The following WIPF1 variants were observed in gnomAD, a reference collection of about 807,000 sequenced individuals.
WIPF1 encodes the protein WAS/WASL interacting protein family member 1, also known as WAS/WASL-interacting protein family member 1.
In WIPF1, 13 loss-of-function variants were observed where a neutral mutation model predicts 35.4. That is an observed-to-expected ratio of 0.37 (90% confidence interval 0.24 to 0.58). WIPF1 has a LOEUF of 0.58. Ranked by LOEUF, WIPF1 falls within the 20% of genes least tolerant of loss-of-function variation. The probability of loss-of-function intolerance (pLI) is 0.74; values close to 1 mark genes in which losing one functional copy is unlikely to be tolerated. For missense variants in WIPF1, 591 were observed against 667.0 expected, an observed-to-expected ratio of 0.89 and a Z score of 1.25; for synonymous variants, 267 against 266.3, an observed-to-expected ratio of 1.00 and a Z score of -0.02.
rs1233653142 is a variant in WIPF1 at position 174,622,705 on chromosome 2, C to G, written c.-38-37094G>C. On this transcript the variant is annotated intron_variant, in intron 1 of 8. Transcript: ENST00000272746. This position sits in a 1 kb window ranked among gnomAD's most constrained non-coding sequence, Gnocchi z 5.1. ...TGGCTGATTAGCACTTGTGTCTGCC[C>G]CGCGGTCAGAAATTTTATATGGCAA... Among the ~76,000 whole-genome samples, 2 of 152,158 alleles carry G rather than the reference C, an allele frequency of 1.3e-5. No individual in the cohort carries two copies. The highest frequency in any genetic ancestry group is 2.9e-5 in the Non-Finnish European group (2 of 68,040).
chr2:174,639,968 C>A (rs989969412), intron 1 of WIPF1, among the ~76,000 whole-genome samples: 1 of 151,946 alleles, frequency 6.6e-6, no homozygotes, highest in South Asian at 2.1e-4. Context: ...TAGAAGCATC[C>A]AAATTGGAAA....
chr2:174,645,718 G>T (rs1163243033), intron 1 of WIPF1, among the ~76,000 whole-genome samples: 1 of 152,172 alleles, frequency 6.6e-6, no homozygotes, highest in African/African-American at 2.4e-5. Context: ...CAAGCCCTTT[G>T]ACCAGCTGTC....
At chr2:174,599,792 A>ACTCTCTCT (rs3049904), upstream of WIPF1, among the ~76,000 whole-genome samples, 71 of 148,662 alleles carry the variant, frequency 4.8e-4, 2 homozygotes, top group South Asian at 9.1e-3. Flanking sequence ...ACACACACAC[A>ACTCTCTCT]CTCTCTCTCT....
chr2:174,583,061 G>A (rs1364111234), intron 2 of WIPF1, among the ~76,000 whole-genome samples: 1 of 152,150 alleles, frequency 6.6e-6, no homozygotes, highest in Non-Finnish European at 1.5e-5. Context: ...GCAGTCAAGA[G>A]CCTTCCCTAC....
intron 1 of WIPF1, among the ~76,000 whole-genome samples, chr2:174,658,017 G>A (rs1025265483): frequency 6.6e-6 from 1 of 151,808 alleles, no homozygotes; most frequent in African/African-American, 2.4e-5. Context: ...GATGTTCCCT[G>A]GGACCTAGAA....
In WIPF1 at chr2:174,585,531, A is replaced by ACGT. The variant is rs1238140977; in HGVS notation, c.40_42dup (p.Thr14dup). 1 of 1,309,076 alleles carries ACGT rather than the reference A, an allele frequency of 7.6e-7. No homozygotes were observed. The highest frequency in any genetic ancestry group is 1.7e-5 in the African/African-American group (1 of 60,424). 81.1% of individuals were successfully genotyped at this position (1,309,076 alleles called of 1,614,324 possible). On this transcript the variant is annotated inframe_insertion, in exon 2 of 8. Transcript: ENST00000679041. The stretch of plus-strand genomic sequence containing the variant: ...GGGGAGGAGACACTCACCAGTGCAA[A>ACGT]CGTCGGGGGCGGCGGGGGTGCTGGA...
intron 3 of WIPF1, among the ~76,000 whole-genome samples, chr2:174,576,351 T>TAA (rs1685064615): frequency 1.3e-5 from 2 of 152,204 alleles, no homozygotes; most frequent in Non-Finnish European, 2.9e-5. Flanking sequence ...TAAGCAGTAT[T>TAA]AAGCCTGCTT....
chr2:174,650,389 TGTACACACA>T (rs1429505983), intron 1 of WIPF1, among the ~76,000 whole-genome samples: 1 of 152,244 alleles, frequency 6.6e-6, no homozygotes, highest in East Asian at 1.9e-4. Context: ...GTTCACTCTG[TGTACACACA>T]ACATGTAAGA....
intron 1 of WIPF1, among the ~76,000 whole-genome samples, chr2:174,666,378 A>G (rs1433388948): frequency 6.6e-6 from 1 of 152,202 alleles, no homozygotes; most frequent in African/African-American, 2.4e-5. Context: ...TGGCCTCCAA[A>G]TTAGGACTGA....
At chr2:174,566,556 T>G (rs1188797421) in intron 7 of WIPF1, 1 of 152,322 alleles carries the variant, frequency 6.6e-6, no homozygotes, top group Admixed American at 6.5e-5. Flanking sequence ...AACAGAATTA[T>G]ATGGATAAAA....
chr2:174,664,083 T>G (rs964585965), intron 1 of WIPF1, among the ~76,000 whole-genome samples: 2 of 152,132 alleles, frequency 1.3e-5, no homozygotes, highest in Non-Finnish European at 2.9e-5. Context: ...AATCCCTGCC[T>G]CCCTCACCAG....
intron 1 of WIPF1, among the ~76,000 whole-genome samples, chr2:174,647,356 C>T (rs906697717): frequency 1.3e-5 from 2 of 151,328 alleles, no homozygotes; most frequent in East Asian, 1.9e-4. Flanking sequence ...CCAGCCTGGG[C>T]GACACAGTGA....
At chr2:174,568,734 G>A (rs1684742761) in intron 5 of WIPF1, 1 of 152,176 alleles carries the variant, frequency 6.6e-6, no homozygotes, top group African/African-American at 2.4e-5. Flanking sequence ...TCTTGACCCT[G>A]AGCAAGCTGG....
intron 1 of WIPF1, among the ~76,000 whole-genome samples, chr2:174,670,632 C>T (rs1055246866): frequency 1.3e-5 from 2 of 152,212 alleles, no homozygotes; most frequent in Admixed American, 1.3e-4. Context: ...ACAGTTCCTG[C>T]TGGCTGGCTG....
At chr2:174,634,501 G>A (rs535404731) in intron 1 of WIPF1, 8 of 152,234 alleles carry the variant, frequency 5.3e-5, no homozygotes, top group Admixed American at 2.0e-4. Flanking sequence ...GTTTTCCAGG[G>A]GGCAAAAAGC....
At chr2:174,564,852 C>CACACACA (rs1559144100) in intron 7 of WIPF1, among the ~76,000 whole-genome samples, 1 of 144,676 alleles carries the variant, frequency 6.9e-6, no homozygotes, top group East Asian at 2.1e-4. Flanking sequence ...CACACACACA[C>CACACACA]CATTCAAAGA....
At chr2:174,659,207 A>G (rs894168952) in intron 1 of WIPF1, among the ~76,000 whole-genome samples, 6 of 152,124 alleles carry the variant, frequency 3.9e-5, no homozygotes, top group Non-Finnish European at 7.4e-5. Flanking sequence ...GTCTCAAGCA[A>G]TCCTCCTACC....
At chr2:174,565,331 T>TTTTCTTAA (rs1444580333) in intron 7 of WIPF1, among the ~76,000 whole-genome samples, 1 of 152,224 alleles carries the variant, frequency 6.6e-6, no homozygotes. Flanking sequence ...TTTTAAGCAG[T>TTTTCTTAA]AGTATTCTGT....
intron 1 of WIPF1, among the ~76,000 whole-genome samples, chr2:174,632,154 C>A (rs977587762): frequency 6.6e-6 from 1 of 152,150 alleles, no homozygotes; most frequent in Non-Finnish European, 1.5e-5. Flanking sequence ...AAATTACACA[C>A]AAGATTAATA....
Sources: allele counts gnomAD v4.1 joint callset (sites outside exome capture counted in the v4.1 genomes callset), GRCh38; gene constraint gnomAD v4.1.1; non-coding constraint Gnocchi (gnomAD v3.1); transcripts MANE v1.5; gene names NCBI Gene and HGNC (gene_info 2026-07-23, HGNC 2026-07-21).